The following PIK3C2G variants were observed in gnomAD, a reference collection of about 807,000 sequenced individuals.
The protein encoded by PIK3C2G is phosphatidylinositol-4-phosphate 3-kinase catalytic subunit type 2 gamma.
A neutral mutation model predicts 181.1 loss-of-function variants in PIK3C2G; 168 were observed. The observed-to-expected ratio is 0.93, with a 90% CI of 0.82 to 1.05. PIK3C2G has a LOEUF of 1.05. Among genes scored for constraint, PIK3C2G ranks in the 50% least tolerant of loss-of-function variants. PIK3C2G has a pLI of 0.00. For missense variants in PIK3C2G, 1,869 were observed against 1,732.8 expected, an observed-to-expected ratio of 1.08 and a Z score of -1.40; for synonymous variants, 573 against 592.2, an observed-to-expected ratio of 0.97 and a Z score of 0.47.
chr12:18,371,257 C>G lies in PIK3C2G; in HGVS notation c.1826C>G (p.Ala609Gly), dbSNP rs753080315. 6.2e-7 allele frequency: 1 copy of G among 1,612,216 alleles called. No homozygotes were observed. The highest frequency in any genetic ancestry group is 1.1e-5 in the South Asian group (1 of 90,692). The change falls in exon 13 of 33, where the codon GCA becomes GGA. Residue 609 changes from alanine to glycine, a missense_variant. Ala to Gly is a moderately conservative substitution (Grantham distance 60, BLOSUM62 0). Transcript: ENST00000538779. ...GTAAAACTGTTTGGGATTGCCTGTG[C>G]AACCAACAATGCAAATTTACTGGCG... ...LTVKLFGIAC[A>G]TNNANLLAWT...
intron 18 of PIK3C2G, among the ~76,000 whole-genome samples, chr12:18,486,143 T>G (rs1482039122): frequency 6.6e-6 from 1 of 152,166 alleles, no homozygotes; most frequent in South Asian, 2.1e-4. Context: ...AATTCTGCAG[T>G]GTACAAAAAC....
intron 26 of PIK3C2G, among the ~76,000 whole-genome samples, chr12:18,556,061 AG>A (rs1367058909): frequency 4.6e-5 from 7 of 152,164 alleles, no homozygotes; most frequent in Non-Finnish European, 7.4e-5. Flanking sequence ...TTTACCTCCC[AG>A]CACATAGAAT....
intron 18 of PIK3C2G, among the ~76,000 whole-genome samples, chr12:18,459,920 G>A (rs929916193): frequency 2.0e-5 from 3 of 152,008 alleles, no homozygotes; most frequent in East Asian, 1.9e-4. Flanking sequence ...CTGCCACCAC[G>A]TCTGTCTAAT....
intron 31 of PIK3C2G, among the ~76,000 whole-genome samples, chr12:18,634,627 A>T (rs370358157): frequency 6.6e-6 from 1 of 152,176 alleles, no homozygotes; most frequent in East Asian, 1.9e-4. Context: ...TTGGGCACTC[A>T]GCAGTGGCTG....
rs1322398697 is a variant in PIK3C2G, at chr12:18,303,879, A to AT, written c.1034+9871dup. Among the ~76,000 whole-genome samples the AT allele has an allele frequency of 4.6e-5, 7 of 152,070 alleles. No individual in the cohort carries two copies. In the East Asian group the frequency reaches 5.8e-4, roughly 13 times the overall value. ...TTATATGTTTGATTTAAATGAAACAATTTTTTTATTATTTAATTGACGGTT... is the reference window on the plus strand; with the variant it reads ...TTATATGTTTGATTTAAATGAAACAATTTTTTTTATTATTTAATTGACGGTT... On this transcript the variant is annotated intron_variant, in intron 5 of 32. Coordinates refer to ENST00000538779, the MANE Select transcript of PIK3C2G (RefSeq NM_001288772.2).
At chr12:18,562,092 A>C (rs1945374592) in intron 26 of PIK3C2G, among the ~76,000 whole-genome samples, 3 of 152,286 alleles carry the variant, frequency 2.0e-5, no homozygotes, top group Admixed American at 2.0e-4. Flanking sequence ...GCTGGAATTA[A>C]ATTTTTTAAA....
rs192096157 is a variant in PIK3C2G, at chr12:18,644,718, G to C, written c.4309-3158G>C. ...CAGAGGTTACACAACTAGATGTCAA[G>C]CCCAGAACTGCCTGATTCCAAAGCT... On this transcript the variant is annotated intron_variant, in intron 32 of 32. Coordinates refer to ENST00000538779, the MANE Select transcript of PIK3C2G (RefSeq NM_001288772.2). 1.3e-3 allele frequency among the ~76,000 whole-genome samples: 195 copies of C among 152,222 alleles called. 1 individual carries two copies. The highest frequency in any genetic ancestry group is 4.5e-3 in the African/African-American group (187 of 41,530).
chr12:18,324,959 G>C, intron 7 of PIK3C2G, 76 bp from the exon 8 acceptor site: 1 of 716,040 alleles, frequency 1.4e-6, no homozygotes, highest in East Asian at 2.7e-5. Context: ...AACAATTTGT[G>C]ATAAATGTTT....
At chr12:18,460,213 C>T (rs758313608) in intron 18 of PIK3C2G, among the ~76,000 whole-genome samples, 7 of 152,094 alleles carry the variant, frequency 4.6e-5, no homozygotes, top group Non-Finnish European at 1.0e-4. Flanking sequence ...GTTTCTAAAC[C>T]TCTCTGAGAC....
At chr12:18,676,241 C>T in the PIK3C2G span, among the ~76,000 whole-genome samples, 2 of 152,200 alleles carry the variant, frequency 1.3e-5, no homozygotes, top group African/African-American at 4.8e-5. Context: ...TTAGGTCAAG[C>T]CTCTTTTGAG....
intron 5 of PIK3C2G, among the ~76,000 whole-genome samples, chr12:18,296,365 C>G (rs945170348): frequency 1.3e-5 from 2 of 152,072 alleles, no homozygotes; most frequent in Non-Finnish European, 1.5e-5. Context: ...AGGCCTGAGG[C>G]TGTCCATTTC....
At chr12:18,268,756 T>C (rs1446954256) in intron 1 of PIK3C2G, among the ~76,000 whole-genome samples, 18 of 152,200 alleles carry the variant, frequency 1.2e-4, no homozygotes, top group Admixed American at 1.2e-3. Context: ...GTGTGCTGTG[T>C]TCTCAGAAGC....
chr12:18,288,416 G>GTCCC (rs956649171), intron 3 of PIK3C2G, among the ~76,000 whole-genome samples: 7 of 151,998 alleles, frequency 4.6e-5, no homozygotes, highest in African/African-American at 1.7e-4. Context: ...AAAAAGCAAG[G>GTCCC]TCCCTGCCTC....
chr12:18,677,337 C>A, the PIK3C2G span, among the ~76,000 whole-genome samples: 1 of 152,090 alleles, frequency 6.6e-6, no homozygotes, highest in Admixed American at 6.6e-5. Flanking sequence ...TGAATCAGCA[C>A]CGTGCAATCA....
Position 18,269,912 on chromosome 12 carries a change from C to CTTTTTTTT in PIK3C2G, c.-79+8343_-79+8350dup, listed in dbSNP as rs367550750. 6.6e-5 allele frequency among the ~76,000 whole-genome samples: 9 copies of CTTTTTTTT among 136,930 alleles called. 2 individuals are homozygous for CTTTTTTTT. Among genetic ancestry groups the CTTTTTTTT allele is most frequent in the Admixed American group, 7.4e-5 (1 of 13,472 alleles). The allele number at this position is 136,930 out of a possible 152,430, so 89.8% of individuals were successfully genotyped here. A position where few individuals can be genotyped will look rare whatever the true frequency, so the allele number is the denominator to read the frequency against. On this transcript the variant is annotated intron_variant, in intron 1 of 32. Coordinates refer to ENST00000538779, the MANE Select transcript of PIK3C2G (RefSeq NM_001288772.2). The stretch of plus-strand genomic sequence containing the variant: ...ACCCTTTTTTCTTTTTTTTTCTTTT[C>CTTTTTTTT]TTTTTTTTTTTTTTTGAGATGGCAT...
Position 18,371,214 on chromosome 12 carries a change from A to G in PIK3C2G, c.1783A>G (p.Arg595Gly). The G allele has an allele frequency of 6.2e-7, 1 of 1,611,600 alleles. No homozygotes were observed. Among genetic ancestry groups the G allele is most frequent in the South Asian group, 1.1e-5 (1 of 90,634 alleles). Residue 595 changes from arginine to glycine, a missense_variant, in exon 13 of 33, where the codon AGG (arginine) becomes GGG (glycine). Physicochemically the swap from Arg to Gly is moderately radical, Grantham distance 125. Coordinates refer to ENST00000538779, the MANE Select transcript of PIK3C2G (RefSeq NM_001288772.2). ...TCCCCTTGAAATAAAGTCACTTCCAAGGGAATCCATGCTCACTGTAAAACT... is the reference window on the plus strand; with the variant it reads ...TCCCCTTGAAATAAAGTCACTTCCAGGGGAATCCATGCTCACTGTAAAACT... ...NFPLEIKSLP[R>G]ESMLTVKLFG...
chr12:18,355,335 G>A (rs1940623707), intron 11 of PIK3C2G, among the ~76,000 whole-genome samples: 1 of 152,138 alleles, frequency 6.6e-6, no homozygotes. Context: ...AGAGTGCTGA[G>A]GTAGGAAAAG....
At chr12:18,478,193 T>C (rs541779147) in intron 18 of PIK3C2G, among the ~76,000 whole-genome samples, 21 of 152,324 alleles carry the variant, frequency 1.4e-4, no homozygotes, top group African/African-American at 4.8e-4. Flanking sequence ...TAAGGGAAAC[T>C]GTAGACACCT....
chr12:18,585,015 A>G (rs1946698273), intron 29 of PIK3C2G, among the ~76,000 whole-genome samples: 1 of 152,220 alleles, frequency 6.6e-6, no homozygotes, highest in East Asian at 1.9e-4. Context: ...CTACCACCAG[A>G]CCTGCCTTAC....
Sources: allele counts gnomAD v4.1 joint callset (sites outside exome capture counted in the v4.1 genomes callset), GRCh38; gene constraint gnomAD v4.1.1; transcripts MANE v1.5; gene names NCBI Gene and HGNC (gene_info 2026-07-23, HGNC 2026-07-21).